Variants in MYH9 observed in about 807,000 individuals in gnomAD.
MYH9 encodes the protein myosin heavy chain 9.
A neutral mutation model predicts 241.9 loss-of-function variants in MYH9; 29 were observed. The ratio of observed to expected loss-of-function variants is 0.12; its 90% confidence interval spans 0.09 to 0.16. MYH9 has a LOEUF of 0.16. MYH9 is among the 10% of genes least tolerant of loss of function. The pLI, the probability that MYH9 is intolerant of heterozygous loss-of-function variation, is 1.00. For missense variants in MYH9, 1,803 were observed against 2,595.5 expected (o/e 0.69, Z 6.63); for synonymous variants, 1,047 against 1,062.6 (o/e 0.99, Z 0.29).
rs2017225970 is a variant in MYH9, at chr22:36,320,086, A to G, written c.1012+134T>C. 5 of 1,234,362 alleles carry G rather than the reference A, an allele frequency of 4.1e-6. No homozygotes were observed. The highest frequency in any genetic ancestry group is 3.8e-5 in the South Asian group (3 of 79,566). The allele number at this position is 1,234,362 out of a possible 1,614,324, so 76.5% of individuals were successfully genotyped here. A position where few individuals can be genotyped will look rare whatever the true frequency, so the allele number is the denominator to read the frequency against. On this transcript the variant is annotated intron_variant, in intron 9 of 40. Coordinates refer to ENST00000216181, the MANE Select transcript of MYH9 (RefSeq NM_002473.6). The surrounding 1 kb of genome is among the most constrained non-coding windows in gnomAD (Gnocchi z 4.8). ...CTCAAATCTGAGGAATCATTTTCCC[A>G]TACACTGAAGGCCTTCCCCTTCCCC...
Position 36,330,240 on chromosome 22 carries a change from AG to A in MYH9, c.491-2753del, listed in dbSNP as rs547648352. The stretch of plus-strand genomic sequence containing the variant: ...TAAAGAAATCTGGATTTGTTCTGCC[AG>A]GAACATTCATCTGGACAAATGCTTT... On this transcript the variant is annotated intron_variant, in intron 3 of 40. Coordinates refer to ENST00000216181, the MANE Select transcript of MYH9 (RefSeq NM_002473.6). This position sits in a 1 kb window ranked among gnomAD's most constrained non-coding sequence, Gnocchi z 4.5. Among the ~76,000 whole-genome samples, 36 of 152,366 alleles carry A rather than the reference AG, an allele frequency of 2.4e-4. No individual in the cohort carries two copies. In the South Asian group the frequency reaches 7.5e-3, roughly 32 times the overall value.
intron 15 of MYH9, 50 bp downstream of exon 15, chr22:36,309,232 T>G (rs750095675): frequency 3.2e-5 from 49 of 1,509,086 alleles, no homozygotes; most frequent in Non-Finnish European, 4.2e-5. Flanking sequence ...GGTGGGAAGA[T>G]GACCAGCCGC....
intron 2 of MYH9, among the ~76,000 whole-genome samples, chr22:36,348,280 G>A (rs1022054565): frequency 1.9e-4 from 29 of 151,144 alleles, no homozygotes; most frequent in Non-Finnish European, 2.5e-4. Context: ...AGGCCGAGGC[G>A]GGTGGATCAC....
In MYH9 at chr22:36,327,426, G is replaced by A. The variant is rs746682007; in HGVS notation, c.518+35C>T. The A allele has an allele frequency of 4.3e-6, 7 of 1,613,462 alleles. No individual in the cohort carries two copies. In the Middle Eastern group the frequency reaches 8.3e-4, roughly 190 times the overall value. ...CTCAAGAATGAGAACAGACTGGGGT[G>A]AAACGAACCACTACCCAGACGGAGA... On this transcript the variant is annotated intron_variant, in intron 4 of 40. Transcript: ENST00000216181.
intron 1 of MYH9, among the ~76,000 whole-genome samples, chr22:36,367,304 C>T (rs2146412531): frequency 6.6e-6 from 1 of 152,268 alleles, no homozygotes; most frequent in South Asian, 2.1e-4. Flanking sequence ...CTGCACTGCT[C>T]TGGGGTGCCC....
At chr22:36,325,174 G>T in intron 5 of MYH9, 1 of 731,012 alleles carries the variant, frequency 1.4e-6, no homozygotes, top group Non-Finnish European at 2.5e-6. Flanking sequence ...GATGGAGAGA[G>T]AGAGAGACAG....
intron 1 of MYH9, among the ~76,000 whole-genome samples, chr22:36,370,994 A>G (rs1038003476): frequency 2.6e-5 from 4 of 152,118 alleles, no homozygotes; most frequent in Non-Finnish European, 5.9e-5. Context: ...GAATTTACAG[A>G]TACAGAAACT....
intron 31 of MYH9, among the ~76,000 whole-genome samples, chr22:36,290,371 T>A (rs28666613): frequency 1.1e-4 from 16 of 151,342 alleles, no homozygotes; most frequent in East Asian, 3.9e-4. Context: ...CAAACTATTT[T>A]AAAAAAACCC....
At chr22:36,370,629 T>C (rs1755162796) in intron 1 of MYH9, among the ~76,000 whole-genome samples, 1 of 152,170 alleles carries the variant, frequency 6.6e-6, no homozygotes, top group African/African-American at 2.4e-5. Flanking sequence ...TCTACAACAG[T>C]TCCTCCTTAC....
intron 1 of MYH9, among the ~76,000 whole-genome samples, chr22:36,369,320 G>A (rs1397819027): frequency 2.0e-5 from 3 of 152,312 alleles, no homozygotes; most frequent in South Asian, 4.1e-4. Flanking sequence ...CACAGTGCTC[G>A]GCAGCAAGTA....
chr22:36,348,453 G>A (rs1246284427), intron 2 of MYH9, among the ~76,000 whole-genome samples: 2 of 149,502 alleles, frequency 1.3e-5, no homozygotes, highest in African/African-American at 4.9e-5. Flanking sequence ...AGGTTACAGT[G>A]AGCCAAGATC....
At chr22:36,310,226 T>C (rs28409177) in intron 14 of MYH9, among the ~76,000 whole-genome samples, 83,290 of 149,972 alleles carry the variant, frequency 0.56, 25,877 homozygotes, top group Non-Finnish European at 0.71. Flanking sequence ...GCCGAGATCG[T>C]GCCACTGTAC....
At chr22:36,326,185 A>T (rs1049469756) in intron 5 of MYH9, among the ~76,000 whole-genome samples, 1 of 152,218 alleles carries the variant, frequency 6.6e-6, no homozygotes, top group African/African-American at 2.4e-5. Context: ...AAGAAATGGA[A>T]TCAAATACAG....
rs749979349 is a variant in MYH9, at chr22:36,285,111, G to A, written c.5483+10C>T. On this transcript the variant is annotated intron_variant, in intron 38 of 40. Coordinates refer to ENST00000216181, the MANE Select transcript of MYH9 (RefSeq NM_002473.6). This position sits in a 1 kb window ranked among gnomAD's most constrained non-coding sequence, Gnocchi z 7.0. ...GACAGCTGGGGTTGGGCGGGGCCAG[G>A]GGCACGTACTTGGTCTCGTTGTCCA... is the stretch of plus-strand genomic sequence containing the variant. The A allele has an allele frequency of 3.1e-6, 5 of 1,613,238 alleles. No individual in the cohort carries two copies. The highest frequency in any genetic ancestry group is 4.2e-6 in the Non-Finnish European group (5 of 1,179,878).
chr22:36,315,781 T>G (rs2017140295), intron 12 of MYH9, among the ~76,000 whole-genome samples: 1 of 149,196 alleles, frequency 6.7e-6, no homozygotes, highest in Non-Finnish European at 1.5e-5. Flanking sequence ...AAAGGTCTCA[T>G]TTTCTCCAGC....
chr22:36,317,979 A>C (rs1297466331), intron 11 of MYH9, among the ~76,000 whole-genome samples: 3 of 152,260 alleles, frequency 2.0e-5, no homozygotes, highest in Admixed American at 2.0e-4. Context: ...ATGCAGTCTC[A>C]GGATGGCACT....
At chr22:36,364,514 C>A (rs2017979925) in intron 1 of MYH9, among the ~76,000 whole-genome samples, 1 of 152,172 alleles carries the variant, frequency 6.6e-6, no homozygotes, top group South Asian at 2.1e-4. Flanking sequence ...GCTCATGTCT[C>A]CCCTTAGCAG....
At chr22:36,325,196 G>A in intron 5 of MYH9, 1 of 698,286 alleles carries the variant, frequency 1.4e-6, no homozygotes, top group East Asian at 2.6e-5. Context: ...GAGGGAGACA[G>A]AAGAAAAGAA....
chr22:36,319,393 G>A (rs564256730), intron 10 of MYH9, 147 bp downstream of exon 10: 32 of 779,846 alleles, frequency 4.1e-5, no homozygotes, highest in African/African-American at 3.3e-4. Flanking sequence ...TCATGTTTAC[G>A]TGTGTTTTAC....
Sources: gnomAD v4.1 joint callset for allele counts (sites outside exome capture counted in the v4.1 genomes callset) on GRCh38, gnomAD v4.1.1 for gene constraint, Gnocchi (gnomAD v3.1) non-coding constraint, MANE v1.5 for transcripts, NCBI Gene and HGNC (gene_info 2026-07-23, HGNC 2026-07-21) for gene names.